The following KCNQ5 variants were observed in gnomAD, a reference collection of about 807,000 sequenced individuals.
The protein encoded by KCNQ5 is potassium voltage-gated channel subfamily Q member 5.
Under a neutral mutation model 98.2 loss-of-function variants are expected in KCNQ5, and 30 were observed. That is an observed-to-expected ratio of 0.31 (90% CI 0.23 to 0.41). The LOEUF (loss-of-function observed/expected upper bound fraction) is 0.41. KCNQ5 is among the 10% of genes least tolerant of loss of function. The pLI is 1.00. For missense variants in KCNQ5, 835 were observed against 1,182.5 expected (o/e 0.71, Z 4.31); for synonymous variants, 458 against 449.4 (o/e 1.02, Z -0.24).
chr6:73,185,821 G>T (rs2150519332), intron 11 of KCNQ5, among the ~76,000 whole-genome samples: 1 of 152,306 alleles, frequency 6.6e-6, no homozygotes, highest in African/African-American at 2.4e-5. Context: ...CTATAGCAGT[G>T]GAGATGCAAA....
intron 1 of KCNQ5, among the ~76,000 whole-genome samples, chr6:72,866,013 T>C (rs1777963801): frequency 6.6e-6 from 1 of 152,164 alleles, no homozygotes; most frequent in Non-Finnish European, 1.5e-5. Flanking sequence ...CATTATGTAA[T>C]CTCAATTAAC....
intron 1 of KCNQ5, among the ~76,000 whole-genome samples, chr6:72,826,798 G>A (rs1003925061): frequency 1.3e-5 from 2 of 151,974 alleles, no homozygotes; most frequent in African/African-American, 4.8e-5. Flanking sequence ...TTCCACAGTG[G>A]TATAAAACAT....
chr6:73,056,593 C>T (rs1772507253), intron 3 of KCNQ5, among the ~76,000 whole-genome samples: 1 of 152,092 alleles, frequency 6.6e-6, no homozygotes. Flanking sequence ...TCCCTCCCTG[C>T]CTTGTTTCAT....
chr6:72,894,143 C>G (rs910674793), intron 1 of KCNQ5, among the ~76,000 whole-genome samples: 2 of 152,040 alleles, frequency 1.3e-5, no homozygotes, highest in Non-Finnish European at 2.9e-5. Context: ...TTTTCTGGGC[C>G]CTTTTAACAT....
rs754289629 is a variant in KCNQ5 at position 72,622,413 on chromosome 6, T to A, written c.224T>A (p.Leu75Gln). Reference sequence around the variant, plus strand: ...ACGCTCGGTGGCGGCGGCGGTGGCCTGAGGGAGAGCCGCCGGGGCAAGCAG... The same window carrying A: ...ACGCTCGGTGGCGGCGGCGGTGGCCAGAGGGAGAGCCGCCGGGGCAAGCAG... ...AATLGGGGGGLRESRRGKQGA... is the reference protein window; with the variant it reads ...AATLGGGGGGQRESRRGKQGA... Residue 75 changes from leucine to glutamine, a missense_variant, in exon 1 of 14, where the codon CTG becomes CAG. By Grantham distance (113) the Leu-to-Gln change is moderately radical. Transcript: ENST00000370398. This position sits in a 1 kb window ranked among gnomAD's most constrained non-coding sequence, Gnocchi z 6.0. 1 of 1,525,856 alleles carries A rather than the reference T, an allele frequency of 6.6e-7. No homozygotes were observed. The highest frequency in any genetic ancestry group is 8.8e-7 in the Non-Finnish European group (1 of 1,136,360). The allele number at this position is 1,525,856 out of a possible 1,614,324, so 94.5% of individuals were successfully genotyped here. A position where few individuals can be genotyped will look rare whatever the true frequency, so the allele number is the denominator to read the frequency against.
At chr6:72,875,180 A>T (rs1301961138) in intron 1 of KCNQ5, among the ~76,000 whole-genome samples, 1 of 152,222 alleles carries the variant, frequency 6.6e-6, no homozygotes, top group East Asian at 1.9e-4. Flanking sequence ...AAAGTCCATT[A>T]TGACAACCTC....
intron 1 of KCNQ5, among the ~76,000 whole-genome samples, chr6:72,765,025 A>T (rs2154477179): frequency 6.6e-6 from 1 of 152,130 alleles, no homozygotes; most frequent in East Asian, 1.9e-4. Context: ...TCATCTGTTG[A>T]TGAACACTTA....
chr6:72,686,502 T>C (rs1767956663), intron 1 of KCNQ5, among the ~76,000 whole-genome samples: 1 of 152,222 alleles, frequency 6.6e-6, no homozygotes, highest in Non-Finnish European at 1.5e-5. Flanking sequence ...TTCTGTTGGA[T>C]TGATGATCCT....
intron 1 of KCNQ5, among the ~76,000 whole-genome samples, chr6:72,642,608 A>G (rs1582031511): frequency 1.3e-5 from 2 of 152,308 alleles, no homozygotes; most frequent in East Asian, 3.9e-4. Context: ...TCTAAAAATA[A>G]CAGATGCTGG....
At chr6:72,917,323 G>A (rs1780189854) in intron 1 of KCNQ5, among the ~76,000 whole-genome samples, 1 of 152,082 alleles carries the variant, frequency 6.6e-6, no homozygotes, top group African/African-American at 2.4e-5. Context: ...TTTTAAAAGT[G>A]TGAATGTAAT....
intron 1 of KCNQ5, among the ~76,000 whole-genome samples, chr6:72,741,749 C>T (rs1009633815): frequency 2.6e-5 from 4 of 152,010 alleles, no homozygotes; most frequent in African/African-American, 9.7e-5. Context: ...AAGAAAAGAA[C>T]GATTCAGGAT....
chr6:73,186,956 G>C (rs1765389083), intron 11 of KCNQ5, among the ~76,000 whole-genome samples: 1 of 151,868 alleles, frequency 6.6e-6, no homozygotes, highest in African/African-American at 2.4e-5. Context: ...CCTACCCCAT[G>C]ACAGGCCCTG....
chr6:73,104,402 AG>A (rs1364071341), intron 5 of KCNQ5, among the ~76,000 whole-genome samples: 1 of 152,198 alleles, frequency 6.6e-6, no homozygotes, highest in East Asian at 1.9e-4. Flanking sequence ...AGGAGCTGAA[AG>A]ACCTGTACAC....
chr6:73,181,252 G>A (rs915707250), intron 11 of KCNQ5, among the ~76,000 whole-genome samples: 7 of 152,080 alleles, frequency 4.6e-5, no homozygotes, highest in African/African-American at 1.7e-4. Context: ...TTGTGCAATG[G>A]GTTTATTAGA....
chr6:72,715,572 G>T (rs1222164885), intron 1 of KCNQ5, among the ~76,000 whole-genome samples: 4 of 152,160 alleles, frequency 2.6e-5, no homozygotes, highest in African/African-American at 2.4e-5. Flanking sequence ...TCTGAAGTCA[G>T]CTCATGCCTT....
chr6:72,977,611 ACTTT>A (rs1768217535), intron 1 of KCNQ5, among the ~76,000 whole-genome samples: 1 of 152,032 alleles, frequency 6.6e-6, no homozygotes, highest in Non-Finnish European at 1.5e-5. Flanking sequence ...TGGCTTGATG[ACTTT>A]AGGGGTTTGG....
intron 1 of KCNQ5, among the ~76,000 whole-genome samples, chr6:72,886,316 G>A (rs1316242856): frequency 6.6e-6 from 1 of 152,174 alleles, no homozygotes; most frequent in Non-Finnish European, 1.5e-5. Context: ...TTATGTGTAT[G>A]TATGTGTGTG....
chr6:72,829,461 C>CTT (rs59455523), intron 1 of KCNQ5, among the ~76,000 whole-genome samples: 1 of 151,702 alleles, frequency 6.6e-6, no homozygotes, highest in African/African-American at 2.4e-5. Context: ...CTCTCTCTCT[C>CTT]CTGCTTAAAA....
At chr6:73,116,521 C>T (rs1437122724) in intron 7 of KCNQ5, among the ~76,000 whole-genome samples, 2 of 151,996 alleles carry the variant, frequency 1.3e-5, no homozygotes, top group Non-Finnish European at 2.9e-5. Context: ...TTTAAAAAGT[C>T]AAGTGCAATG....
Sources: allele counts gnomAD v4.1 joint callset (sites outside exome capture counted in the v4.1 genomes callset), GRCh38; gene constraint gnomAD v4.1.1; non-coding constraint Gnocchi (gnomAD v3.1); transcripts MANE v1.5; gene names NCBI Gene and HGNC (gene_info 2026-07-23, HGNC 2026-07-21).